Variants in CD9 observed in about 807,000 individuals in gnomAD.
The protein encoded by CD9 is CD9 antigen.
CD9 carries 10 observed loss-of-function variants against 31.4 expected under a neutral mutation model. That is an observed-to-expected ratio of 0.32 (90% CI 0.20 to 0.54). The LOEUF (loss-of-function observed/expected upper bound fraction) is 0.54. Among genes scored for constraint, CD9 ranks in the 20% least tolerant of loss-of-function variants. The pLI is 0.94. For missense variants in CD9, 259 were observed against 300.1 expected (o/e 0.86, Z 1.01); for synonymous variants, 113 against 114.1 (o/e 0.99, Z 0.06).
intron 2 of CD9, among the ~76,000 whole-genome samples, chr12:6,230,872 C>T (rs1024291660): frequency 2.6e-5 from 4 of 152,240 alleles, no homozygotes; most frequent in Non-Finnish European, 1.5e-5. Flanking sequence ...AGTAACCCCA[C>T]GTGACTTGAC....
chr12:6,222,710 T>C (rs1053995502), intron 1 of CD9, among the ~76,000 whole-genome samples: 1 of 152,162 alleles, frequency 6.6e-6, no homozygotes, highest in Admixed American at 6.5e-5. Flanking sequence ...GTCCTCGACA[T>C]TGGGGCTCTC....
intron 1 of CD9, among the ~76,000 whole-genome samples, chr12:6,223,733 A>G (rs578259390): frequency 3.3e-5 from 5 of 152,244 alleles, no homozygotes; most frequent in Non-Finnish European, 5.9e-5. Context: ...CTCCCCGCCT[A>G]AGCTAACTGC....
intron 1 of CD9, among the ~76,000 whole-genome samples, chr12:6,204,900 T>C (rs1946114110): frequency 6.6e-6 from 1 of 152,220 alleles, no homozygotes; most frequent in Admixed American, 6.5e-5. Context: ...CAGTGCCAAC[T>C]TTGTCCTGTG....
At chr12:6,210,243 T>C (rs559373081) in intron 1 of CD9, among the ~76,000 whole-genome samples, 4 of 152,302 alleles carry the variant, frequency 2.6e-5, no homozygotes, top group African/African-American at 9.6e-5. Flanking sequence ...GGAAGGACCA[T>C]GGCCACTGAA....
chr12:6,237,084 A>G (rs569456707), intron 7 of CD9, among the ~76,000 whole-genome samples: 19 of 152,238 alleles, frequency 1.2e-4, no homozygotes, highest in African/African-American at 3.9e-4. Context: ...GGTTCAAGCA[A>G]TTATCCAGCC....
chr12:6,215,424 C>T (rs530980036), intron 1 of CD9, among the ~76,000 whole-genome samples: 4 of 152,138 alleles, frequency 2.6e-5, no homozygotes, highest in Admixed American at 6.5e-5. Context: ...AACAGAGTGC[C>T]GGCCCAGTCC....
At chr12:6,228,336 G>A (rs2268011) in intron 2 of CD9, among the ~76,000 whole-genome samples, 3,054 of 152,162 alleles carry the variant, frequency 0.02, 265 homozygotes, top group Admixed American at 0.15. Flanking sequence ...CAGATCACCC[G>A]AGGTCAGGAG....
At chr12:6,212,903 G>A (rs1946207085) in intron 1 of CD9, among the ~76,000 whole-genome samples, 2 of 152,160 alleles carry the variant, frequency 1.3e-5, no homozygotes, top group Non-Finnish European at 2.9e-5. Flanking sequence ...TATAATAGCA[G>A]GGGCCATTTA....
chr12:6,216,734 C>A (rs1162819281), intron 1 of CD9, among the ~76,000 whole-genome samples: 3 of 152,134 alleles, frequency 2.0e-5, no homozygotes, highest in African/African-American at 7.2e-5. Context: ...CCAGCGCTCA[C>A]ACAGACTCCC....
At chr12:6,222,625 C>G (rs1200477062) in intron 1 of CD9, among the ~76,000 whole-genome samples, 1 of 152,258 alleles carries the variant, frequency 6.6e-6, no homozygotes, top group East Asian at 1.9e-4. Context: ...GGTTCCAGTT[C>G]TCCAGCCCAG....
intron 7 of CD9, chr12:6,236,755 C>G (rs1946528421): frequency 1.2e-5 from 4 of 325,364 alleles, no homozygotes; most frequent in Admixed American, 9.2e-5. Flanking sequence ...GGGTCATGTC[C>G]TCTCTTCCCA....
At chr12:6,212,540 T>C (rs1483005689) in intron 1 of CD9, among the ~76,000 whole-genome samples, 1 of 152,170 alleles carries the variant, frequency 6.6e-6, no homozygotes, top group East Asian at 1.9e-4. Flanking sequence ...AGGGCCACCT[T>C]CACCCTTCCA....
Position 6,232,688 on chromosome 12 carries a change from T to C in CD9, c.232T>C (p.Cys78Arg), listed in dbSNP as rs1366688641. 1 of 1,579,946 alleles carries C rather than the reference T, an allele frequency of 6.3e-7. No homozygotes were observed. The highest frequency in any genetic ancestry group is 1.8e-5 in the Admixed American group (1 of 56,262). Residue 78 changes from cysteine to arginine, a missense_variant, in exon 3 of 8, where the codon TGC (cysteine) becomes CGC (arginine). Transcript: ENST00000009180. The surrounding 1 kb of genome is among the most constrained non-coding windows in gnomAD (Gnocchi z 4.8). Reference sequence around the variant, plus strand: ...CATGATGCTGGTGGGCTTCCTGGGCTGCTGCGGGGCTGTGCAGGAGTCCCA... The same window carrying C: ...CATGATGCTGGTGGGCTTCCTGGGCCGCTGCGGGGCTGTGCAGGAGTCCCA... ...ALMMLVGFLGCCGAVQESQCM... is the reference protein window; with the variant it reads ...ALMMLVGFLGRCGAVQESQCM...
intron 1 of CD9, among the ~76,000 whole-genome samples, chr12:6,218,385 G>A (rs958331818): frequency 2.0e-5 from 3 of 152,134 alleles, no homozygotes; most frequent in Admixed American, 6.5e-5. Context: ...TCTCCCACCC[G>A]GGGAGTGGCA....
intron 1 of CD9, among the ~76,000 whole-genome samples, chr12:6,222,266 G>A (rs939642635): frequency 1.4e-4 from 21 of 152,144 alleles, no homozygotes; most frequent in Admixed American, 7.2e-4. Flanking sequence ...CCCCCCGGCC[G>A]GTGAACTCAG....
chr12:6,207,406 T>TCCCTCA (rs1252869903), intron 1 of CD9, among the ~76,000 whole-genome samples: 3 of 152,192 alleles, frequency 2.0e-5, no homozygotes, highest in African/African-American at 7.2e-5. Context: ...CTCCCACCCA[T>TCCCTCA]CCCTCTGACT....
At chr12:6,220,999 T>A (rs1024639245) in intron 1 of CD9, among the ~76,000 whole-genome samples, 8 of 152,222 alleles carry the variant, frequency 5.3e-5, no homozygotes, top group African/African-American at 1.9e-4. Context: ...TTCTCTGGGC[T>A]GTGACAGTTT....
At chr12:6,210,844 T>TC (rs1946186612) in intron 1 of CD9, among the ~76,000 whole-genome samples, 2 of 150,976 alleles carry the variant, frequency 1.3e-5, no homozygotes, top group African/African-American at 4.9e-5. Flanking sequence ...ACTTTTTTTT[T>TC]TTTTTTTTTT....
intron 1 of CD9, among the ~76,000 whole-genome samples, chr12:6,214,344 C>CTTTTTTTTTTTTTT (rs71450123): frequency 1.2e-4 from 8 of 67,076 alleles, no homozygotes; most frequent in Non-Finnish European, 1.6e-4. Flanking sequence ...CCATTAGCCT[C>CTTTTTTTTTTTTTT]TTTTTTTTTT....
Sources: allele counts gnomAD v4.1 joint callset (sites outside exome capture counted in the v4.1 genomes callset), GRCh38; gene constraint gnomAD v4.1.1; non-coding constraint Gnocchi (gnomAD v3.1); transcripts MANE v1.5; gene names NCBI Gene and HGNC (gene_info 2026-07-23, HGNC 2026-07-21).